NFIA: variants seen among roughly 807,000 people sequenced by gnomAD.
NFIA encodes nuclear factor 1 A-type.
In NFIA, 8 loss-of-function variants were observed where a neutral mutation model predicts 62.8. The ratio of observed to expected loss-of-function variants is 0.13; its 90% CI spans 0.07 to 0.23. The LOEUF (loss-of-function observed/expected upper bound fraction) is 0.23. NFIA is among the 10% of genes least tolerant of loss of function. NFIA has a pLI of 1.00. For synonymous variants in NFIA, 235 were observed against 238.1 expected (o/e 0.99, Z 0.12); for missense variants, 410 against 642.1 (o/e 0.64, Z 3.91).
At chr1:61,291,409 G>A (rs1658873757) in intron 3 of NFIA, among the ~76,000 whole-genome samples, 1 of 152,230 alleles carries the variant, frequency 6.6e-6, no homozygotes, top group Non-Finnish European at 1.5e-5. Context: ...ATGTAAGTGT[G>A]TAGAACATTT....
At position 61,129,228 on chromosome 1, in the gene NFIA, T is replaced by G. The variant is rs567527213; in HGVS notation, c.559+40548T>G. 2.0e-5 allele frequency among the ~76,000 whole-genome samples: 3 copies of G among 151,578 alleles called. No homozygotes were observed. In the South Asian group the frequency reaches 6.3e-4, roughly 32 times the overall value. Reference sequence around the variant, plus strand: ...TGAGCCACCGCGCCCGGCCTACTTATGTGTTTTAGAAAAATCTTTAAAATG... The same window carrying G: ...TGAGCCACCGCGCCCGGCCTACTTAGGTGTTTTAGAAAAATCTTTAAAATG... On this transcript the variant is annotated intron_variant, in intron 2 of 10. Transcript: ENST00000403491.
chr1:61,454,311 C>T (rs927066351), intron 10 of NFIA, among the ~76,000 whole-genome samples: 1 of 152,174 alleles, frequency 6.6e-6, no homozygotes, highest in Non-Finnish European at 1.5e-5. Flanking sequence ...GAGAAACTAA[C>T]TCTGATGTTA....
chr1:61,282,349 G>GA (rs1658188113), intron 3 of NFIA, among the ~76,000 whole-genome samples: 1 of 152,156 alleles, frequency 6.6e-6, no homozygotes, highest in South Asian at 2.1e-4. Context: ...CAGAGCTCCT[G>GA]AAGGTTTTAA....
intron 6 of NFIA, among the ~76,000 whole-genome samples, chr1:61,360,819 A>T (rs1223175054): frequency 1.3e-5 from 2 of 152,336 alleles, no homozygotes; most frequent in Middle Eastern, 6.8e-3. Flanking sequence ...TATCATAATT[A>T]AACACAAAAC....
intron 2 of NFIA, among the ~76,000 whole-genome samples, chr1:61,117,918 T>C (rs1300876194): frequency 6.6e-6 from 1 of 152,082 alleles, no homozygotes; most frequent in Non-Finnish European, 1.5e-5. Context: ...GCGTGGTGGC[T>C]CAAGCCTGTA....
chr1:61,199,850 C>A (rs1465608513), intron 2 of NFIA, among the ~76,000 whole-genome samples: 6 of 150,942 alleles, frequency 4.0e-5, no homozygotes, highest in African/African-American at 1.5e-4. Context: ...CAAAAATTAG[C>A]CGGGCGTGGT....
At chr1:61,173,572 T>C (rs564308238) in intron 2 of NFIA, among the ~76,000 whole-genome samples, 1 of 152,172 alleles carries the variant, frequency 6.6e-6, no homozygotes, top group African/African-American at 2.4e-5. Context: ...TGTATTTTAA[T>C]AGAGATAAGG....
At chr1:61,234,597 T>C (rs761575968) in intron 2 of NFIA, among the ~76,000 whole-genome samples, 52 of 152,162 alleles carry the variant, frequency 3.4e-4, no homozygotes, top group Non-Finnish European at 7.1e-4. Context: ...TAAAAGAAAG[T>C]AGTCCCTCAG....
chr1:61,406,554 C>G lies in NFIA; in HGVS notation c.1255-8C>G, dbSNP rs199806380. On this transcript the variant is annotated splice_polypyrimidine_tract_variant and splice_region_variant and intron_variant, in intron 8 of 10. Transcript: ENST00000403491. Reference sequence around the variant, plus strand: ...TACGTGTGTTTTCTGCCCCCCCCCCCCCCACAGCCCAATGGGAGCAGCCAA... The same window carrying G: ...TACGTGTGTTTTCTGCCCCCCCCCCGCCCACAGCCCAATGGGAGCAGCCAA... 1,051 of 1,380,706 alleles carry G rather than the reference C, an allele frequency of 7.6e-4. 54 individuals carry two copies. The East Asian group carries it at 0.028, about 37-fold the overall frequency. 85.5% of individuals were successfully genotyped at this position (1,380,706 alleles called of 1,614,324 possible). A position where few individuals can be genotyped will look rare whatever the true frequency, so the allele number is the denominator to read the frequency against.
At chr1:61,178,542 A>C (rs1217220743) in intron 2 of NFIA, among the ~76,000 whole-genome samples, 1 of 152,230 alleles carries the variant, frequency 6.6e-6, no homozygotes, top group Non-Finnish European at 1.5e-5. Flanking sequence ...GATATGTGTA[A>C]CCAGATAGGT....
chr1:61,092,043 C>T (rs539332346), intron 2 of NFIA, among the ~76,000 whole-genome samples: 1 of 152,034 alleles, frequency 6.6e-6, no homozygotes, highest in Admixed American at 6.6e-5. Context: ...TATTACCTGC[C>T]ATGGGGTAGA....
At chr1:61,368,024 G>A (rs971764709) in intron 6 of NFIA, among the ~76,000 whole-genome samples, 2 of 152,222 alleles carry the variant, frequency 1.3e-5, no homozygotes, top group African/African-American at 2.4e-5. Flanking sequence ...TTTGTCGAAC[G>A]AATGAGCGTT....
chr1:61,175,798 A>G (rs1650302241), intron 2 of NFIA, among the ~76,000 whole-genome samples: 1 of 152,180 alleles, frequency 6.6e-6, no homozygotes, highest in South Asian at 2.1e-4. Context: ...AGCTAGCTAT[A>G]TAGTCAGTCA....
intron 10 of NFIA, among the ~76,000 whole-genome samples, chr1:61,450,968 C>T (rs1398195797): frequency 1.3e-5 from 2 of 152,134 alleles, no homozygotes; most frequent in Non-Finnish European, 2.9e-5. Flanking sequence ...CACATTAGAG[C>T]ATTTGTTGCT....
intron 10 of NFIA, among the ~76,000 whole-genome samples, chr1:61,428,691 A>G (rs1033545739): frequency 2.6e-5 from 4 of 152,264 alleles, no homozygotes; most frequent in Admixed American, 2.6e-4. Flanking sequence ...AAAAATAATA[A>G]TATACCTTAA....
intron 2 of NFIA, among the ~76,000 whole-genome samples, chr1:61,099,617 G>A (rs1430662976): frequency 6.6e-6 from 1 of 151,910 alleles, no homozygotes; most frequent in Non-Finnish European, 1.5e-5. Context: ...TTTTCATGTT[G>A]GGCGGTGTTG....
chr1:61,247,673 C>T (rs1162734323), intron 2 of NFIA, among the ~76,000 whole-genome samples: 1 of 152,118 alleles, frequency 6.6e-6, no homozygotes, highest in African/African-American at 2.4e-5. Flanking sequence ...GGTCACCACT[C>T]CTGTTTTGCT....
upstream of NFIA, chr1:61,082,127 A>G: frequency 1.9e-6 from 2 of 1,077,608 alleles, no homozygotes; most frequent in South Asian, 1.3e-5. Context: ...ATCCTGTGGC[A>G]GCCTATAGCT....
intron 3 of NFIA, among the ~76,000 whole-genome samples, chr1:61,311,161 G>C (rs1660091085): frequency 6.6e-6 from 1 of 152,182 alleles, no homozygotes; most frequent in Non-Finnish European, 1.5e-5. Context: ...GGAGGCCAAG[G>C]CAGGCAGATC....
Sources: gnomAD v4.1 joint callset for allele counts (sites outside exome capture counted in the v4.1 genomes callset) on GRCh38, gnomAD v4.1.1 for gene constraint, MANE v1.5 for transcripts, NCBI Gene and HGNC (gene_info 2026-07-23, HGNC 2026-07-21) for gene names.